The following DNAI7 variants were observed in gnomAD, a reference collection of about 807,000 sequenced individuals.
DNAI7 encodes dynein axonemal intermediate chain 7.
In DNAI7, 78 loss-of-function variants were observed where a neutral mutation model predicts 86.6. The observed-to-expected ratio is 0.90, with a 90% confidence interval of 0.75 to 1.09. The LOEUF (loss-of-function observed/expected upper bound fraction) is 1.09, where lower values mean the gene tolerates loss of function less well. DNAI7 is among the 50% of genes least tolerant of loss of function. The pLI is 0.00. For missense variants in DNAI7, 753 were observed against 810.2 expected (o/e 0.93, Z 0.86); for synonymous variants, 274 against 273.0 (o/e 1.00, Z -0.04).
Position 25,144,553 on chromosome 12 carries a change from C to G in DNAI7, c.814G>C (p.Val272Leu), listed in dbSNP as rs1565714287. 1.2e-6 allele frequency: 2 copies of G among 1,614,092 alleles called. No individual in the cohort carries two copies. The highest frequency in any genetic ancestry group is 4.5e-5 in the East Asian group (2 of 44,876). ...GTGTATTCTTTTGATGGTGTTGAAA[C>G]AGGGTGCAGTGCAGAAACATGATCA... ...HYDHVSALHP[V>L]STPSKEYTSA... Residue 272 changes from valine (V) to leucine (L), a missense_variant, in exon 9 of 16, where the codon GTT (valine) becomes CTT (leucine). Physicochemically the swap from Val to Leu is conservative, Grantham distance 32. Coordinates refer to ENST00000395987, the MANE Select transcript of DNAI7 (RefSeq NM_018272.5).
chr12:25,144,495 ACAT>A lies in DNAI7; in HGVS notation c.869_871del (p.Asp290del). On this transcript the variant is annotated inframe_deletion, in exon 9 of 16. Transcript: ENST00000395987. ...GCTGATTGCTTTTTCTACATTCTTA[ACAT>A]CATCTTTGACAAGCTCAGTTACTGC... 6.2e-7 allele frequency: 1 copy of A among 1,614,012 alleles called. No homozygotes were observed. Among genetic ancestry groups the A allele is most frequent in the Non-Finnish European group, 8.5e-7 (1 of 1,180,000 alleles).
rs543936108 is a variant in DNAI7, at chr12:25,120,276, TA to T, written c.1240-976del. Among the ~76,000 whole-genome samples, 3 of 126,918 alleles carry T rather than the reference TA, an allele frequency of 2.4e-5. No individual in the cohort carries two copies. The South Asian group carries it at 8.1e-4, about 34-fold the overall frequency. 83.3% of individuals were successfully genotyped at this position (126,918 alleles called of 152,430 possible). ...CCCAGCAATCTGTGTACAGGTGTGT[TA>T]GGGGAGAGAGGGTGAGAAGAGAGAG... On this transcript the variant is annotated intron_variant, in intron 11 of 15. Transcript: ENST00000395987.
chr12:25,178,780 C>A (rs1420342471), intron 2 of DNAI7, among the ~76,000 whole-genome samples: 1 of 152,054 alleles, frequency 6.6e-6, no homozygotes. Flanking sequence ...TTTGGATTGG[C>A]CTCATGGAGA....
chr12:25,156,220 G>A (rs1946159130), intron 4 of DNAI7, among the ~76,000 whole-genome samples: 1 of 152,132 alleles, frequency 6.6e-6, no homozygotes, highest in African/African-American at 2.4e-5. Flanking sequence ...TGGGAAGTCA[G>A]CATAAAGCTC....
At chr12:25,130,106 A>G (rs1363177633) in intron 9 of DNAI7, among the ~76,000 whole-genome samples, 1 of 152,194 alleles carries the variant, frequency 6.6e-6, no homozygotes, top group Non-Finnish European at 1.5e-5. Flanking sequence ...CTCATTGCAT[A>G]TATTAGAAGA....
intron 2 of DNAI7, among the ~76,000 whole-genome samples, chr12:25,163,595 T>C (rs538928380): frequency 5.3e-5 from 8 of 152,330 alleles, no homozygotes; most frequent in African/African-American, 1.9e-4. Flanking sequence ...CAAAGCCTGT[T>C]TGGTGGTCTC....
intron 11 of DNAI7, among the ~76,000 whole-genome samples, chr12:25,121,353 C>A (rs1376558325): frequency 6.6e-6 from 1 of 152,190 alleles, no homozygotes; most frequent in Non-Finnish European, 1.5e-5. Context: ...TTATACACAG[C>A]AGTTTTAGTG....
intron 2 of DNAI7, among the ~76,000 whole-genome samples, chr12:25,163,256 A>C (rs1592541347): frequency 2.0e-5 from 3 of 152,268 alleles, no homozygotes; most frequent in Admixed American, 2.0e-4. Flanking sequence ...ATCCCCTGTG[A>C]CCTGCACGTA....
At chr12:25,162,310 G>C (rs986753979) in intron 2 of DNAI7, among the ~76,000 whole-genome samples, 1 of 152,172 alleles carries the variant, frequency 6.6e-6, no homozygotes. Flanking sequence ...TCCAGAACAG[G>C]TGAATTTGAA....
At chr12:25,109,395 T>G (rs1404270841) in intron 15 of DNAI7, among the ~76,000 whole-genome samples, 1 of 150,808 alleles carries the variant, frequency 6.6e-6, no homozygotes, top group Non-Finnish European at 1.5e-5. Flanking sequence ...CATTTGTTGT[T>G]TTTTTTAAGA....
intron 11 of DNAI7, among the ~76,000 whole-genome samples, chr12:25,120,339 A>AGAGAGAGAGAGAGAGAGAGAGAGG: frequency 6.7e-6 from 1 of 149,348 alleles, no homozygotes; most frequent in South Asian, 2.2e-4. Flanking sequence ...AGAGAGAGAG[A>AGAGAGAGAGAGAGAGAGAGAGAGG]GAGGAAGGAA....
At chr12:25,186,309 T>C (rs1403539391) in intron 2 of DNAI7, among the ~76,000 whole-genome samples, 1 of 152,210 alleles carries the variant, frequency 6.6e-6, no homozygotes. Context: ...TGCGTAAAAA[T>C]ATTACACTCA....
chr12:25,108,146 A>T, downstream of DNAI7: 1 of 1,457,338 alleles, frequency 6.9e-7, no homozygotes, highest in South Asian at 1.3e-5. Flanking sequence ...CTGGGAAAGT[A>T]TAGCATGAAA....
At chr12:25,167,132 T>G (rs1417512764) in intron 2 of DNAI7, among the ~76,000 whole-genome samples, 2 of 152,134 alleles carry the variant, frequency 1.3e-5, no homozygotes, top group Admixed American at 1.3e-4. Flanking sequence ...TGATGGCAGT[T>G]TCACCAGGCC....
chr12:25,152,779 G>A (rs1447417604), intron 6 of DNAI7, among the ~76,000 whole-genome samples: 1 of 152,190 alleles, frequency 6.6e-6, no homozygotes. Context: ...ACCAGCACTG[G>A]ATCGAAGGAC....
chr12:25,183,862 G>C (rs1949786471), intron 2 of DNAI7, among the ~76,000 whole-genome samples: 1 of 151,910 alleles, frequency 6.6e-6, no homozygotes, highest in Non-Finnish European at 1.5e-5. Flanking sequence ...TCTTACTTTT[G>C]AGTGTTATTC....
At chr12:25,155,274 A>G in intron 5 of DNAI7, 37 bp downstream of exon 5, 1 of 1,123,694 alleles carries the variant, frequency 8.9e-7, no homozygotes, top group Non-Finnish European at 1.3e-6. Flanking sequence ...TCTTGTGGTG[A>G]CAAAGGTATT....
At chr12:25,114,586 C>A (rs1197397302) in intron 13 of DNAI7, 70 bp downstream of exon 13, 1 of 1,009,052 alleles carries the variant, frequency 9.9e-7, no homozygotes, top group South Asian at 1.4e-5. Flanking sequence ...TTGCTTTTGA[C>A]AAACTAGTAT....
intron 4 of DNAI7, among the ~76,000 whole-genome samples, chr12:25,156,449 C>T (rs1349456550): frequency 6.6e-6 from 1 of 152,112 alleles, no homozygotes; most frequent in Non-Finnish European, 1.5e-5. Context: ...GAAAGTATTC[C>T]GATCTTTAAA....
Sources: allele counts gnomAD v4.1 joint callset (sites outside exome capture counted in the v4.1 genomes callset), GRCh38; gene constraint gnomAD v4.1.1; transcripts MANE v1.5; gene names NCBI Gene and HGNC (gene_info 2026-07-23, HGNC 2026-07-21).